The following SFXN5 variants were observed in gnomAD, a reference collection of about 807,000 sequenced individuals.
SFXN5 encodes the protein sideroflexin-5.
In SFXN5, 43 loss-of-function variants were observed where a neutral mutation model predicts 50.2. The ratio of observed to expected loss-of-function variants is 0.86; its 90% CI spans 0.67 to 1.11. SFXN5 has a LOEUF of 1.11. Among genes scored for constraint, SFXN5 ranks in the 50% least tolerant of loss-of-function variants. The pLI, the probability that SFXN5 is intolerant of heterozygous loss-of-function variation, is 0.00. For synonymous variants in SFXN5, 203 were observed against 185.8 expected (o/e 1.09, Z -0.75); for missense variants, 463 against 454.1 (o/e 1.02, Z -0.18).
rs1678820217 is a variant in SFXN5 at position 73,035,212 on chromosome 2, G to A, written c.249+5642C>T. On this transcript the variant is annotated intron_variant, in intron 3 of 13. Transcript: ENST00000272433. Reference sequence around the variant, plus strand: ...GCGAGCGGTGGCTCACCATGGGGAGGGGTCTTCCATATTTAGCCCCACCCA... The same window carrying A: ...GCGAGCGGTGGCTCACCATGGGGAGAGGTCTTCCATATTTAGCCCCACCCA... Among the ~76,000 whole-genome samples the A allele has an allele frequency of 2.0e-5, 3 of 152,122 alleles. No homozygotes were observed. In the South Asian group the frequency reaches 6.2e-4, roughly 32 times the overall value.
intron 3 of SFXN5, among the ~76,000 whole-genome samples, chr2:73,038,972 G>A (rs13424057): frequency 0.27 from 40,919 of 151,992 alleles, 5,864 homozygotes; most frequent in East Asian, 0.5. Flanking sequence ...TGTCGCCCAG[G>A]CTGGAGTGCA....
chr2:72,967,906 T>C (rs940903134), intron 12 of SFXN5, among the ~76,000 whole-genome samples: 2 of 152,214 alleles, frequency 1.3e-5, no homozygotes, highest in Non-Finnish European at 2.9e-5. Flanking sequence ...TTCACAGTCA[T>C]GACAGATATG....
intron 3 of SFXN5, among the ~76,000 whole-genome samples, chr2:73,036,793 G>C (rs898301901): frequency 6.6e-6 from 1 of 152,198 alleles, no homozygotes; most frequent in African/African-American, 2.4e-5. Context: ...AAAAGGGCTG[G>C]GGACTGCTTC....
intron 1 of SFXN5, chr2:73,059,156 T>TC: frequency 2.0e-6 from 2 of 985,324 alleles, no homozygotes; most frequent in Admixed American, 6.1e-5. Context: ...AAGGGGCAGC[T>TC]CCCCCAACCT....
At chr2:73,016,782 C>T (rs1231066061) in intron 6 of SFXN5, among the ~76,000 whole-genome samples, 3 of 152,204 alleles carry the variant, frequency 2.0e-5, no homozygotes, top group East Asian at 3.9e-4. Flanking sequence ...AAAGGGTGTA[C>T]GGATGCTTCT....
intron 11 of SFXN5, among the ~76,000 whole-genome samples, chr2:72,969,167 G>A (rs1038055145): frequency 2.6e-5 from 4 of 152,062 alleles, no homozygotes; most frequent in African/African-American, 4.8e-5. Flanking sequence ...CCTGCCACAC[G>A]TGGGGAACAC....
chr2:72,991,668 T>C (rs1013100090), intron 9 of SFXN5, among the ~76,000 whole-genome samples: 1 of 152,230 alleles, frequency 6.6e-6, no homozygotes, highest in Non-Finnish European at 1.5e-5. Context: ...TCTGTTCTGG[T>C]TCCTCAGGGC....
chr2:73,064,260 A>G (rs1683017309), intron 1 of SFXN5, among the ~76,000 whole-genome samples: 1 of 152,258 alleles, frequency 6.6e-6, no homozygotes, highest in South Asian at 2.1e-4. Flanking sequence ...CTGAACCTAC[A>G]GCCCAAAGCA....
intron 13 of SFXN5, among the ~76,000 whole-genome samples, chr2:72,946,709 ACT>A (rs1671974237): frequency 1.3e-5 from 2 of 151,478 alleles, no homozygotes; most frequent in Non-Finnish European, 2.9e-5. Flanking sequence ...CTGCCCAAAG[ACT>A]CTGGAGCCTC....
At chr2:73,009,646 G>A (rs1294806745) in intron 6 of SFXN5, among the ~76,000 whole-genome samples, 1 of 152,176 alleles carries the variant, frequency 6.6e-6, no homozygotes, top group African/African-American at 2.4e-5. Flanking sequence ...TGGGGGCCAG[G>A]GCATCCTCTT....
At chr2:73,002,939 T>C (rs1169878415) in intron 6 of SFXN5, among the ~76,000 whole-genome samples, 3 of 152,246 alleles carry the variant, frequency 2.0e-5, no homozygotes, top group Non-Finnish European at 4.4e-5. Context: ...TTTCTTAAAC[T>C]ATGAAAGTGA....
intron 12 of SFXN5, among the ~76,000 whole-genome samples, chr2:72,966,318 T>C (rs1674397756): frequency 6.6e-6 from 1 of 152,150 alleles, no homozygotes; most frequent in Non-Finnish European, 1.5e-5. Context: ...GCTTCAGAAT[T>C]CCAAGGTTCA....
chr2:73,022,435 T>C, intron 5 of SFXN5, 87 bp downstream of exon 5: 1 of 1,016,942 alleles, frequency 9.8e-7, no homozygotes, highest in Non-Finnish European at 1.6e-6. Context: ...GTCCCCTCCT[T>C]AGGCCAGCAC....
At chr2:72,978,455 G>A (rs906351235) in intron 10 of SFXN5, among the ~76,000 whole-genome samples, 4 of 151,798 alleles carry the variant, frequency 2.6e-5, no homozygotes, top group Non-Finnish European at 4.4e-5. Context: ...GCTAATTTTT[G>A]TATTTTTAGT....
At chr2:73,047,957 GTAAA>G (rs1680729101) in intron 2 of SFXN5, among the ~76,000 whole-genome samples, 1 of 152,058 alleles carries the variant, frequency 6.6e-6, no homozygotes, top group South Asian at 2.1e-4. Context: ...ATGGTCAAGA[GTAAA>G]TAATTAATAG....
rs1207956678 is a variant in SFXN5, at chr2:72,973,941, T to C, written c.626-2256A>G. On this transcript the variant is annotated intron_variant, in intron 10 of 13. Transcript: ENST00000272433. This position sits in a 1 kb window ranked among gnomAD's most constrained non-coding sequence, Gnocchi z 5.5. Reference sequence around the variant, plus strand: ...AGCCCTCTGATGACGCTGTCCACCATACCACCACCACCGCCACTCCCAGAA... The same window carrying C: ...AGCCCTCTGATGACGCTGTCCACCACACCACCACCACCGCCACTCCCAGAA... 6.6e-6 allele frequency among the ~76,000 whole-genome samples: 1 copy of C among 152,146 alleles called. No individual in the cohort carries two copies. The highest frequency in any genetic ancestry group is 6.5e-5 in the Admixed American group (1 of 15,282).
At chr2:73,015,180 GTTTTA>G (rs1449708927) in intron 6 of SFXN5, among the ~76,000 whole-genome samples, 3 of 152,036 alleles carry the variant, frequency 2.0e-5, no homozygotes, top group Non-Finnish European at 4.4e-5. Flanking sequence ...ATTGAGTTAT[GTTTTA>G]TTTTATCAAA....
chr2:72,962,513 A>G (rs1469973430), intron 12 of SFXN5, among the ~76,000 whole-genome samples: 4 of 152,250 alleles, frequency 2.6e-5, no homozygotes, highest in Non-Finnish European at 5.9e-5. Context: ...GCTTACAACC[A>G]TGAAAGCCTG....
chr2:73,045,236 C>A (rs1249997347), intron 2 of SFXN5, among the ~76,000 whole-genome samples: 1 of 152,130 alleles, frequency 6.6e-6, no homozygotes, highest in African/African-American at 2.4e-5. Context: ...GAAACCTCAA[C>A]TCTAGTTCCA....
Sources: gnomAD v4.1 joint callset for allele counts (sites outside exome capture counted in the v4.1 genomes callset) on GRCh38, gnomAD v4.1.1 for gene constraint, Gnocchi (gnomAD v3.1) non-coding constraint, MANE v1.5 for transcripts, NCBI Gene and HGNC (gene_info 2026-07-23, HGNC 2026-07-21) for gene names.